GPR158: variants seen among roughly 807,000 people sequenced by gnomAD.
GPR158 encodes the protein G protein-coupled receptor 158, also known as metabotropic glycine receptor.
Under a neutral mutation model 78.2 loss-of-function variants are expected in GPR158, and 30 were observed. The observed-to-expected ratio is 0.38, with a 90% CI of 0.29 to 0.52. The LOEUF (loss-of-function observed/expected upper bound fraction) is 0.52. GPR158 is among the 20% of genes least tolerant of loss of function. The probability of loss-of-function intolerance (pLI) is 0.83; values close to 1 mark genes in which losing one functional copy is unlikely to be tolerated. For synonymous variants in GPR158, 581 were observed against 591.1 expected, an observed-to-expected ratio of 0.98 and a Z score of 0.25; for missense variants, 1,463 against 1,523.5, an observed-to-expected ratio of 0.96 and a Z score of 0.66.
chr10:25,586,384 T>A (rs1355715244), intron 7 of GPR158, among the ~76,000 whole-genome samples: 1 of 146,008 alleles, frequency 6.8e-6, no homozygotes, highest in African/African-American at 2.5e-5. Context: ...TAAGTAGGTA[T>A]GTGTGAATTT....
chr10:25,437,200 G>A (rs554702845), intron 4 of GPR158, among the ~76,000 whole-genome samples: 3 of 152,204 alleles, frequency 2.0e-5, no homozygotes, highest in Admixed American at 2.0e-4. Flanking sequence ...AGGAAAACTT[G>A]TCTCAAACTT....
intron 2 of GPR158, among the ~76,000 whole-genome samples, chr10:25,307,937 A>G (rs572978237): frequency 7.9e-5 from 12 of 152,198 alleles, no homozygotes; most frequent in Non-Finnish European, 1.3e-4. Context: ...TTATCAAAAC[A>G]CATATTTTTT....
At position 25,597,966 on chromosome 10, in the gene GPR158, C is replaced by T. The variant is rs1837432286; in HGVS notation, c.2340C>T (p.Gly780=). The change falls in exon 11 of 11, where the codon GGC becomes GGT. Residue 780 remains glycine (G), a synonymous_variant. Transcript: ENST00000376351. Reference sequence around the variant, plus strand: ...AGGACAAGGAGGGCGCCGACCATGGCACAGCCAAAGGCACTGCCCTCATCA... The same window carrying T: ...AGGACAAGGAGGGCGCCGACCATGGTACAGCCAAAGGCACTGCCCTCATCA... The part of the protein sequence containing the change: ...SKEDKEGADH[G]TAKGTALIRK... 8 of 1,613,894 alleles carry T rather than the reference C, an allele frequency of 5.0e-6. No individual in the cohort carries two copies. In the Admixed American group the frequency reaches 5.0e-5, roughly 10 times the overall value.
At chr10:25,595,324 A>G (rs1349248636) in intron 9 of GPR158, among the ~76,000 whole-genome samples, 1 of 152,222 alleles carries the variant, frequency 6.6e-6, no homozygotes, top group Admixed American at 6.5e-5. Context: ...AAGTATTTGT[A>G]TAGATTATCT....
intron 2 of GPR158, among the ~76,000 whole-genome samples, chr10:25,277,044 G>A (rs563306080): frequency 1.4e-4 from 21 of 151,562 alleles, no homozygotes; most frequent in Admixed American, 9.2e-4. Context: ...TGAACTCCTG[G>A]GCTCAAGGAA....
intron 2 of GPR158, among the ~76,000 whole-genome samples, chr10:25,340,371 G>T (rs1855285669): frequency 6.6e-6 from 1 of 152,098 alleles, no homozygotes; most frequent in South Asian, 2.1e-4. Flanking sequence ...GCAGGTGCAT[G>T]TATTTTGGGA....
intron 2 of GPR158, among the ~76,000 whole-genome samples, chr10:25,256,693 A>C (rs1853893565): frequency 6.6e-6 from 1 of 151,832 alleles, no homozygotes; most frequent in African/African-American, 2.4e-5. Flanking sequence ...CACAACAATA[A>C]AAATAAAATA....
At chr10:25,407,208 C>G (rs1319079468) in intron 3 of GPR158, among the ~76,000 whole-genome samples, 1 of 152,140 alleles carries the variant, frequency 6.6e-6, no homozygotes, top group African/African-American at 2.4e-5. Flanking sequence ...GTAGTGGCAA[C>G]TTGCATATAA....
At chr10:25,221,310 A>C (rs1853296930) in intron 2 of GPR158, among the ~76,000 whole-genome samples, 153 bp downstream of exon 2, 1 of 152,206 alleles carries the variant, frequency 6.6e-6, no homozygotes, top group Non-Finnish European at 1.5e-5. Flanking sequence ...TAGGAGTAGA[A>C]AATAAAATTT....
intron 2 of GPR158, among the ~76,000 whole-genome samples, chr10:25,248,072 A>G (rs1191875819): frequency 2.6e-5 from 4 of 151,318 alleles, no homozygotes; most frequent in Non-Finnish European, 4.4e-5. Flanking sequence ...GCCAGTGATG[A>G]TGAGCATTTT....
At chr10:25,284,391 G>A (rs1351261736) in intron 2 of GPR158, among the ~76,000 whole-genome samples, 2 of 151,740 alleles carry the variant, frequency 1.3e-5, no homozygotes, top group African/African-American at 4.8e-5. Flanking sequence ...TTTATGTATG[G>A]TATTGTTCCT....
intron 5 of GPR158, among the ~76,000 whole-genome samples, chr10:25,527,487 T>G (rs1836365902): frequency 6.6e-6 from 1 of 152,138 alleles, no homozygotes; most frequent in South Asian, 2.1e-4. Context: ...TTTTAAACAA[T>G]TAGCGTGTAA....
At chr10:25,382,021 C>G (rs746577939) in intron 2 of GPR158, among the ~76,000 whole-genome samples, 1 of 152,096 alleles carries the variant, frequency 6.6e-6, no homozygotes, top group East Asian at 1.9e-4. Flanking sequence ...TAAATTCTGT[C>G]AAGAGTGAAA....
chr10:25,357,735 A>C (rs1855572790), intron 2 of GPR158, among the ~76,000 whole-genome samples: 1 of 152,102 alleles, frequency 6.6e-6, no homozygotes. Flanking sequence ...CGGGGACTTC[A>C]AGGAGAACCT....
At chr10:25,585,856 G>A (rs970275279) in intron 7 of GPR158, among the ~76,000 whole-genome samples, 7 of 152,166 alleles carry the variant, frequency 4.6e-5, no homozygotes, top group African/African-American at 1.7e-4. Flanking sequence ...GCTCATGCCT[G>A]TAATCTCTGC....
chr10:25,212,457 C>T (rs1414377629), intron 1 of GPR158, among the ~76,000 whole-genome samples: 1 of 152,074 alleles, frequency 6.6e-6, no homozygotes, highest in Non-Finnish European at 1.5e-5. Context: ...GCCCCACCTC[C>T]AACATTGGGG....
intron 1 of GPR158, among the ~76,000 whole-genome samples, chr10:25,220,160 C>G (rs1853279451): frequency 6.6e-6 from 1 of 152,100 alleles, no homozygotes; most frequent in Non-Finnish European, 1.5e-5. Context: ...TTATGAAAAA[C>G]TACATTATAA....
rs894387372 is a variant in GPR158 at position 25,601,028 on chromosome 10, T to C, written c.*1754T>C. 1.1e-4 allele frequency: 16 copies of C among 152,130 alleles called. No individual in the cohort carries two copies. The highest frequency in any genetic ancestry group is 2.9e-5 in the Non-Finnish European group (2 of 68,030). 9.4% of individuals were successfully genotyped at this position (152,130 alleles called of 1,614,324 possible). A position where few individuals can be genotyped will look rare whatever the true frequency, so the allele number is the denominator to read the frequency against. ...TTGGCCAGGACACTCCCAGCACAAA[T>C]AACTATTTTTTATGTCACAAGCAGC... On this transcript the variant is annotated 3_prime_UTR_variant, in exon 11 of 11. Coordinates refer to ENST00000376351, the MANE Select transcript of GPR158 (RefSeq NM_020752.3).
At chr10:25,529,585 C>G (rs1405087251) in intron 5 of GPR158, among the ~76,000 whole-genome samples, 6 of 152,062 alleles carry the variant, frequency 3.9e-5, no homozygotes, top group African/African-American at 1.4e-4. Context: ...TTATTTTACT[C>G]TCAGATACAA....
Sources: gnomAD v4.1 joint callset for allele counts (sites outside exome capture counted in the v4.1 genomes callset) on GRCh38, gnomAD v4.1.1 for gene constraint, MANE v1.5 for transcripts, NCBI Gene and HGNC (gene_info 2026-07-23, HGNC 2026-07-21) for gene names.